USP37: variants seen among roughly 807,000 people sequenced by gnomAD.
The protein encoded by USP37 is ubiquitin specific peptidase 37.
Under a neutral mutation model 124.0 loss-of-function variants are expected in USP37, and 27 were observed. The observed-to-expected ratio is 0.22, with a 90% CI of 0.16 to 0.30. The LOEUF is 0.30. Among genes scored for constraint, USP37 ranks in the 10% least tolerant of loss-of-function variants. The probability of loss-of-function intolerance (pLI) is 1.00; values close to 1 mark genes in which losing one functional copy is unlikely to be tolerated. For synonymous variants in USP37, 365 were observed against 388.0 expected (o/e 0.94, Z 0.70); for missense variants, 889 against 1,140.4 (o/e 0.78, Z 3.17).
At position 218,559,001 on chromosome 2, in the gene USP37, T is replaced by TAA. The variant is rs35129465; in HGVS notation, c.-24-326_-24-325dup. Reference sequence around the variant, plus strand: ...TGGGTCTGGATTTCCAAATATAAGTTAAAAAAAAAAAAAAAGTGTGTTCAG... The same window carrying TAA: ...TGGGTCTGGATTTCCAAATATAAGTTAAAAAAAAAAAAAAAAAGTGTGTTCAG... On this transcript the variant is annotated intron_variant, in intron 3 of 25. Coordinates refer to ENST00000258399, the MANE Select transcript of USP37 (RefSeq NM_020935.3). Among the ~76,000 whole-genome samples, 545 of 143,166 alleles carry TAA rather than the reference T, an allele frequency of 3.8e-3. 3 individuals are homozygous for TAA. The highest frequency in any genetic ancestry group is 6.8e-3 in the African/African-American group (266 of 38,910). The allele number at this position is 143,166 out of a possible 152,430, so 93.9% of individuals were successfully genotyped here.
At chr2:218,457,475 T>C (rs1379942463) in intron 23 of USP37, among the ~76,000 whole-genome samples, 1 of 152,182 alleles carries the variant, frequency 6.6e-6, no homozygotes, top group Non-Finnish European at 1.5e-5. Flanking sequence ...ATAATAATGT[T>C]CAGTTATATA....
intron 10 of USP37, among the ~76,000 whole-genome samples, chr2:218,510,990 A>C (rs573387417): frequency 1.3e-5 from 2 of 152,210 alleles, no homozygotes; most frequent in Admixed American, 1.3e-4. Context: ...GTGAGAAGGC[A>C]TCTCCAAAAA....
At chr2:218,511,824 T>C (rs1690017773) in intron 10 of USP37, among the ~76,000 whole-genome samples, 1 of 151,464 alleles carries the variant, frequency 6.6e-6, no homozygotes. Flanking sequence ...GTATCTCGTT[T>C]AAGATTTTTG....
chr2:218,495,948 A>G lies in USP37; in HGVS notation c.1284T>C (p.Asp428=). The G allele has an allele frequency of 1.2e-6, 2 of 1,608,614 alleles. No homozygotes were observed. Among genetic ancestry groups the G allele is most frequent in the Admixed American group, 3.4e-5 (2 of 58,936 alleles). Residue 428 remains aspartate, a splice_region_variant and synonymous_variant, in exon 14 of 26, where the codon GAT becomes GAC. Coordinates refer to ENST00000258399, the MANE Select transcript of USP37 (RefSeq NM_020935.3). ...AACACTGACTTAAAAATTCATGAGC[A>G]TCCTAATAAGACAACAATATCCTTA... ...AERFSGYMQN[D]AHEFLSQCLD... is the part of the protein sequence containing the mutation.
intron 10 of USP37, among the ~76,000 whole-genome samples, chr2:218,510,440 C>T (rs1689911690): frequency 6.6e-6 from 1 of 152,124 alleles, no homozygotes; most frequent in Admixed American, 6.5e-5. Context: ...ATGGATATTA[C>T]ATTTACCTAG....
intron 4 of USP37, among the ~76,000 whole-genome samples, chr2:218,556,921 T>C (rs1026044830): frequency 6.6e-6 from 1 of 152,176 alleles, no homozygotes; most frequent in Non-Finnish European, 1.5e-5. Flanking sequence ...GGATCCTGCT[T>C]TGTCACGCAG....
At chr2:218,514,566 G>A (rs1221032672) in intron 10 of USP37, 5 of 152,106 alleles carry the variant, frequency 3.3e-5, no homozygotes, top group Admixed American at 3.3e-4. Context: ...CTTATTACTG[G>A]TGTTGGTAAT....
chr2:218,527,937 T>G (rs1365165228), intron 10 of USP37, among the ~76,000 whole-genome samples: 1 of 152,206 alleles, frequency 6.6e-6, no homozygotes, highest in Non-Finnish European at 1.5e-5. Flanking sequence ...GCGCGGTCAC[T>G]CACACCTGTA....
chr2:218,477,475 G>C lies in USP37; in HGVS notation c.1902-494C>G, dbSNP rs191902117. ...TAGGGATTCCAAAGTAAGAAAAAAG[G>C]CTTCTGAGGAAGGCAGTTCCAAAGC... is the stretch of plus-strand genomic sequence containing the variant. On this transcript the variant is annotated intron_variant, in intron 18 of 25. Coordinates refer to ENST00000258399, the MANE Select transcript of USP37 (RefSeq NM_020935.3). Among the ~76,000 whole-genome samples, 48 of 152,234 alleles carry C rather than the reference G, an allele frequency of 3.2e-4. No homozygotes were observed. The East Asian group carries it at 7.1e-3, about 23-fold the overall frequency.
intron 12 of USP37, 61 bp downstream of exon 12, chr2:218,497,964 TC>T: frequency 6.4e-7 from 1 of 1,567,788 alleles, no homozygotes; most frequent in Non-Finnish European, 8.6e-7. Flanking sequence ...TGTCTAAAAT[TC>T]CATTATTCTA....
intron 21 of USP37, among the ~76,000 whole-genome samples, chr2:218,464,203 A>C (rs576082234): frequency 6.6e-6 from 1 of 151,862 alleles, no homozygotes; most frequent in South Asian, 2.1e-4. Flanking sequence ...ATGTGCAGTT[A>C]AGATTAAGAA....
chr2:218,494,178 T>C (rs1196193299), intron 14 of USP37, among the ~76,000 whole-genome samples: 1 of 152,186 alleles, frequency 6.6e-6, no homozygotes, highest in Admixed American at 6.5e-5. Flanking sequence ...TGCAAAACTG[T>C]CTTTATTAAA....
chr2:218,480,428 T>C (rs1256371857), intron 17 of USP37, among the ~76,000 whole-genome samples: 1 of 133,276 alleles, frequency 7.5e-6, no homozygotes, highest in Non-Finnish European at 1.7e-5. Flanking sequence ...AAAAAAATAC[T>C]AGCAATAGAG....
intron 11 of USP37, among the ~76,000 whole-genome samples, chr2:218,501,795 G>T (rs1471510150): frequency 6.6e-6 from 1 of 152,170 alleles, no homozygotes; most frequent in Non-Finnish European, 1.5e-5. Flanking sequence ...AATCTGCATA[G>T]CAGTCTGCTT....
At chr2:218,518,695 G>A (rs1690431220) in intron 10 of USP37, among the ~76,000 whole-genome samples, 1 of 152,094 alleles carries the variant, frequency 6.6e-6, no homozygotes, top group African/African-American at 2.4e-5. Flanking sequence ...CTCACATTCA[G>A]AATCTGAATC....
intron 9 of USP37, among the ~76,000 whole-genome samples, chr2:218,533,101 A>T (rs1024590471): frequency 6.6e-6 from 1 of 152,116 alleles, no homozygotes; most frequent in Non-Finnish European, 1.5e-5. Context: ...CTACATCTGC[A>T]ATATCTCTGA....
chr2:218,533,240 T>C (rs1260529908), intron 9 of USP37, among the ~76,000 whole-genome samples: 2 of 152,200 alleles, frequency 1.3e-5, no homozygotes, highest in Admixed American at 1.3e-4. Context: ...AAAAAAACTT[T>C]TTTTTTTCTG....
chr2:218,549,691 C>T, intron 6 of USP37, 118 bp downstream of exon 6: 8 of 832,522 alleles, frequency 9.6e-6, no homozygotes, highest in Non-Finnish European at 1.4e-5. Context: ...TCTCAGACTC[C>T]TGACCTCGGG....
At chr2:218,525,127 C>G (rs752257907) in intron 10 of USP37, among the ~76,000 whole-genome samples, 2 of 152,176 alleles carry the variant, frequency 1.3e-5, no homozygotes, top group Non-Finnish European at 2.9e-5. Flanking sequence ...TCTTATCACT[C>G]CTTCCTTGTT....
Sources: allele counts gnomAD v4.1 joint callset (sites outside exome capture counted in the v4.1 genomes callset), GRCh38; gene constraint gnomAD v4.1.1; transcripts MANE v1.5; gene names NCBI Gene and HGNC (gene_info 2026-07-23, HGNC 2026-07-21).